The following ADGRB2 variants were observed in gnomAD, a reference collection of about 807,000 sequenced individuals.
ADGRB2 encodes brain-specific angiogenesis inhibitor 2.
Under a neutral mutation model 178.7 loss-of-function variants are expected in ADGRB2, and 47 were observed. The ratio of observed to expected loss-of-function variants is 0.26; its 90% confidence interval spans 0.21 to 0.34. The LOEUF is 0.34. Ranked by LOEUF, ADGRB2 falls within the 10% of genes least tolerant of loss-of-function variation. The pLI is 1.00. For missense variants in ADGRB2, 1,584 were observed against 2,180.8 expected (o/e 0.73, Z 5.45); for synonymous variants, 870 against 912.4 (o/e 0.95, Z 0.84).
chr1:31,738,049 C>T, intron 18 of ADGRB2, 151 bp downstream of exon 18: 1 of 1,248,772 alleles, frequency 8.0e-7, no homozygotes, highest in Non-Finnish European at 1.1e-6. Context: ...AGCACAATCC[C>T]AGGGGCACAG....
At chr1:31,763,089 CA>C (rs1647092729) in intron 1 of ADGRB2, among the ~76,000 whole-genome samples, 2 of 152,150 alleles carry the variant, frequency 1.3e-5, no homozygotes, top group South Asian at 4.1e-4. Context: ...GCTCTATGAC[CA>C]GGGGTGGGAG....
chr1:31,745,928 G>C (rs1265396672), intron 4 of ADGRB2, among the ~76,000 whole-genome samples: 3 of 151,902 alleles, frequency 2.0e-5, no homozygotes, highest in Admixed American at 6.5e-5. Flanking sequence ...CCAGCCTCTG[G>C]TCTCATCCAC....
rs907642678 is a variant in ADGRB2, at chr1:31,754,984, C to T, written c.838+1015G>A. On this transcript the variant is annotated intron_variant, in intron 4 of 32. Coordinates refer to ENST00000373658, the MANE Select transcript of ADGRB2 (RefSeq NM_001364857.2). The surrounding 1 kb of genome is among the most constrained non-coding windows in gnomAD (Gnocchi z 5.7). ...AGTGAAATCCAGATGCCCTTTCCAT[C>T]CTCTATCCCTGCATCCTTGATCCTC... Among the ~76,000 whole-genome samples the T allele has an allele frequency of 6.6e-6, 1 of 152,222 alleles. No homozygotes were observed. Among genetic ancestry groups the T allele is most frequent in the Non-Finnish European group, 1.5e-5 (1 of 68,040 alleles).
chr1:31,732,762 C>T, intron 26 of ADGRB2, 150 bp from the exon 27 acceptor site: 2 of 1,120,610 alleles, frequency 1.8e-6, no homozygotes, highest in Non-Finnish European at 2.6e-6. Flanking sequence ...GGGCAGGGTG[C>T]AACGGGAGGA....
rs961123711 is a variant in ADGRB2, at chr1:31,744,381, C to A, written c.923-24G>T. On this transcript the variant is annotated intron_variant, in intron 5 of 32. Coordinates refer to ENST00000373658, the MANE Select transcript of ADGRB2 (RefSeq NM_001364857.2). The surrounding 1 kb of genome is among the most constrained non-coding windows in gnomAD (Gnocchi z 6.7). ...GCCTACGAGAGAGGGACAGCGTCGG[C>A]GGCAGGGGGCACCTCCCAAGCACTC... The A allele has an allele frequency of 2.3e-5, 36 of 1,546,660 alleles. No homozygotes were observed. The highest frequency in any genetic ancestry group is 3.1e-5 in the Non-Finnish European group (36 of 1,146,158).
At chr1:31,745,770 G>A (rs906808795) in intron 4 of ADGRB2, among the ~76,000 whole-genome samples, 8 of 152,312 alleles carry the variant, frequency 5.3e-5, no homozygotes, top group Non-Finnish European at 1.0e-4. Context: ...GGCACGCTGA[G>A]TGTGAAGGGA....
At chr1:31,732,439 G>A in intron 27 of ADGRB2, 78 bp downstream of exon 27, 1 of 1,515,872 alleles carries the variant, frequency 6.6e-7, no homozygotes. Context: ...GATGGGGAAG[G>A]TAAATGGTCT....
chr1:31,744,847 G>A lies in ADGRB2; in HGVS notation c.839-116C>T. On this transcript the variant is annotated intron_variant, in intron 4 of 32. Coordinates refer to ENST00000373658, the MANE Select transcript of ADGRB2 (RefSeq NM_001364857.2). The surrounding 1 kb of genome is among the most constrained non-coding windows in gnomAD (Gnocchi z 6.7). ...CCTGAGGGCCTGGAACCAACTGCAT[G>A]ATGCTCTCTCAGGATCACATTCTGC... is the stretch of plus-strand genomic sequence containing the variant. The A allele has an allele frequency of 1.1e-6, 1 of 946,828 alleles. No homozygotes were observed. Among genetic ancestry groups the A allele is most frequent in the Non-Finnish European group, 1.7e-6 (1 of 593,798 alleles). 58.7% of individuals were successfully genotyped at this position (946,828 alleles called of 1,614,324 possible).
At position 31,737,725 on chromosome 1, in the gene ADGRB2, G is replaced by A; in HGVS notation, c.2803C>T (p.Pro935Ser). 1 of 1,613,684 alleles carries A rather than the reference G, an allele frequency of 6.2e-7. No homozygotes were observed. The highest frequency in any genetic ancestry group is 8.5e-7 in the Non-Finnish European group (1 of 1,180,012). ...GACACTGCACAGCCGATCACCAGGGGGACCGAGGGGGAGCCCGCCAGCTCC... is the reference window on the plus strand; with the variant it reads ...GACACTGCACAGCCGATCACCAGGGAGACCGAGGGGGAGCCCGCCAGCTCC... Reference protein sequence around the residue: ...TLELAGSPSVPLVIGCAVSCM... With the variant: ...TLELAGSPSVSLVIGCAVSCM... The change falls in exon 19 of 33, where the codon CCC (proline) becomes TCC (serine). Residue 935 changes from proline to serine, a missense_variant. Pro to Ser is a moderately conservative substitution (Grantham distance 74). Transcript: ENST00000373658.
rs1645118912 is a variant in ADGRB2 at position 31,728,637 on chromosome 1, G to A, written c.4381-4C>T. 3 of 1,614,016 alleles carry A rather than the reference G, an allele frequency of 1.9e-6. No individual in the cohort carries two copies. Among genetic ancestry groups the A allele is most frequent in the Non-Finnish European group, 2.5e-6 (3 of 1,179,990 alleles). ...CTGAATACCGTAATTTCTTTCGCTGGGAAGGAGCAACAAGGAGGCAATGGA... is the reference window on the plus strand; with the variant it reads ...CTGAATACCGTAATTTCTTTCGCTGAGAAGGAGCAACAAGGAGGCAATGGA... On this transcript the variant is annotated splice_polypyrimidine_tract_variant and splice_region_variant and intron_variant, in intron 29 of 32. Coordinates refer to ENST00000373658, the MANE Select transcript of ADGRB2 (RefSeq NM_001364857.2). The surrounding 1 kb of genome is among the most constrained non-coding windows in gnomAD (Gnocchi z 6.7).
Position 31,727,638 on chromosome 1 carries a change from G to A in ADGRB2, c.4573-33C>T, listed in dbSNP as rs762032876. On this transcript the variant is annotated intron_variant, in intron 32 of 32. Coordinates refer to ENST00000373658, the MANE Select transcript of ADGRB2 (RefSeq NM_001364857.2). This position sits in a 1 kb window ranked among gnomAD's most constrained non-coding sequence, Gnocchi z 4.4. ...GGGAGCGGGAGGGGCCGTGGAGATG[G>A]GCCAATATCCTTACCCATTGTACAG... 4 of 1,464,908 alleles carry A rather than the reference G, an allele frequency of 2.7e-6. No individual in the cohort carries two copies. Among genetic ancestry groups the A allele is most frequent in the East Asian group, 2.5e-5 (1 of 40,016 alleles). 90.7% of individuals were successfully genotyped at this position (1,464,908 alleles called of 1,614,324 possible).
At position 31,737,775 on chromosome 1, in the gene ADGRB2, A is replaced by C; in HGVS notation, c.2773-20T>G. Reference sequence around the variant, plus strand: ...CAGGGTCTGGGGAAGATGGGCAGACAGTCAGATGGGTTCCTGGGAGGGGGG... The same window carrying C: ...CAGGGTCTGGGGAAGATGGGCAGACCGTCAGATGGGTTCCTGGGAGGGGGG... On this transcript the variant is annotated intron_variant, in intron 18 of 32. Coordinates refer to ENST00000373658, the MANE Select transcript of ADGRB2 (RefSeq NM_001364857.2). 6.2e-7 allele frequency: 1 copy of C among 1,609,300 alleles called. No individual in the cohort carries two copies. The highest frequency in any genetic ancestry group is 8.5e-7 in the Non-Finnish European group (1 of 1,176,722).
rs775972812 is a variant in ADGRB2 at position 31,739,580 on chromosome 1, G to A, written c.2223C>T (p.Pro741=). 1 of 1,610,792 alleles carries A rather than the reference G, an allele frequency of 6.2e-7. No homozygotes were observed. The highest frequency in any genetic ancestry group is 8.5e-7 in the Non-Finnish European group (1 of 1,178,648). The change falls in exon 15 of 33, where the codon CCC becomes CCT. Residue 741 remains proline, a synonymous_variant. Coordinates refer to ENST00000373658, the MANE Select transcript of ADGRB2 (RefSeq NM_001364857.2). ...CCTTCATGCCCCGGCGGCCCCGCAT[G>A]GGGAACGTGATGTCACTGGACACAG... is the stretch of plus-strand genomic sequence containing the variant. ...VSAVSSDITF[P]MRGRRGMKDW...
In ADGRB2 at chr1:31,755,866, T is replaced by G; in HGVS notation, c.838+133A>C. On this transcript the variant is annotated intron_variant, in intron 4 of 32. Transcript: ENST00000373658. This position sits in a 1 kb window ranked among gnomAD's most constrained non-coding sequence, Gnocchi z 5.1. ...GCCATGCATTTTGGTGACCGCAACA[T>G]TTGGACAAGGCTCAGCAGAGGGGTG... 7.7e-7 allele frequency: 1 copy of G among 1,299,992 alleles called. No individual in the cohort carries two copies. The highest frequency in any genetic ancestry group is 1.1e-6 in the Non-Finnish European group (1 of 951,714). The allele number at this position is 1,299,992 out of a possible 1,614,324, so 80.5% of individuals were successfully genotyped here.
intron 29 of ADGRB2, among the ~76,000 whole-genome samples, chr1:31,729,188 C>T (rs1645151895): frequency 1.3e-5 from 2 of 152,226 alleles, no homozygotes; most frequent in African/African-American, 4.8e-5. Context: ...GTACCCAGTG[C>T]TACTCAAGAA....
At position 31,755,870 on chromosome 1, in the gene ADGRB2, G is replaced by C; in HGVS notation, c.838+129C>G. On this transcript the variant is annotated intron_variant, in intron 4 of 32. Coordinates refer to ENST00000373658, the MANE Select transcript of ADGRB2 (RefSeq NM_001364857.2). The surrounding 1 kb of genome is among the most constrained non-coding windows in gnomAD (Gnocchi z 5.1). The stretch of plus-strand genomic sequence containing the variant: ...TGCATTTTGGTGACCGCAACATTTG[G>C]ACAAGGCTCAGCAGAGGGGTGACAT... 1 of 1,323,566 alleles carries C rather than the reference G, an allele frequency of 7.6e-7. No individual in the cohort carries two copies. Among genetic ancestry groups the C allele is most frequent in the Non-Finnish European group, 1.0e-6 (1 of 971,322 alleles). 82.0% of individuals were successfully genotyped at this position (1,323,566 alleles called of 1,614,324 possible). A position where few individuals can be genotyped will look rare whatever the true frequency, so the allele number is the denominator to read the frequency against.
intron 7 of ADGRB2, 47 bp downstream of exon 7, chr1:31,742,791 C>A (rs1399814896): frequency 2.0e-5 from 28 of 1,374,682 alleles, no homozygotes; most frequent in Non-Finnish European, 2.5e-5. Context: ...CCCGACCCCC[C>A]ACCGGGCTGG....
intron 14 of ADGRB2, 50 bp from the exon 15 acceptor site, chr1:31,739,685 G>A: frequency 6.5e-7 from 1 of 1,531,446 alleles, no homozygotes; most frequent in South Asian, 1.3e-5. Flanking sequence ...CAGAAACAAA[G>A]GGTGGCAGAC....
Position 31,730,844 on chromosome 1 carries a change from G to A in ADGRB2, c.4336C>T (p.Pro1446Ser). 6.5e-7 allele frequency: 1 copy of A among 1,529,678 alleles called. No individual in the cohort carries two copies. Among genetic ancestry groups the A allele is most frequent in the East Asian group, 2.3e-5 (1 of 44,118 alleles). 94.8% of individuals were successfully genotyped at this position (1,529,678 alleles called of 1,614,324 possible). ...ATGGTAGAGCCGGGCACGGTGCGAGGCATGGTCCGGCTGCGCTCCCCTGGC... is the reference window on the plus strand; with the variant it reads ...ATGGTAGAGCCGGGCACGGTGCGAGACATGGTCCGGCTGCGCTCCCCTGGC... The part of the protein sequence containing the change: ...PEPGERSRTM[P>S]RTVPGSTMKM... The change falls in exon 29 of 33, where the codon CCT (proline) becomes TCT (serine). Residue 1446 changes from proline (P) to serine (S), a missense_variant. Coordinates refer to ENST00000373658, the MANE Select transcript of ADGRB2 (RefSeq NM_001364857.2).
Sources: allele counts gnomAD v4.1 joint callset (sites outside exome capture counted in the v4.1 genomes callset), GRCh38; gene constraint gnomAD v4.1.1; non-coding constraint Gnocchi (gnomAD v3.1); transcripts MANE v1.5; gene names NCBI Gene and HGNC (gene_info 2026-07-23, HGNC 2026-07-21).